Variants in ARHGAP32 observed in about 807,000 individuals in gnomAD.
ARHGAP32 encodes the protein Rho GTPase activating protein 32.
In ARHGAP32, 51 loss-of-function variants were observed where a neutral mutation model predicts 186.5. The ratio of observed to expected loss-of-function variants is 0.27; its 90% confidence interval spans 0.22 to 0.35. The LOEUF (loss-of-function observed/expected upper bound fraction) is 0.35, where lower values mean the gene tolerates loss of function less well. Ranked by LOEUF, ARHGAP32 falls within the 10% of genes least tolerant of loss-of-function variation. ARHGAP32 has a pLI of 1.00. For missense variants in ARHGAP32, 2,186 were observed against 2,623.5 expected, an observed-to-expected ratio of 0.83 and a Z score of 3.64; for synonymous variants, 950 against 964.3, an observed-to-expected ratio of 0.99 and a Z score of 0.27.
intron 1 of ARHGAP32, among the ~76,000 whole-genome samples, chr11:129,171,324 A>C (rs1353448453): frequency 6.6e-6 from 1 of 152,180 alleles, no homozygotes; most frequent in Non-Finnish European, 1.5e-5. Flanking sequence ...TAAGTCTTTA[A>C]TCCATCCTGA....
intron 10 of ARHGAP32, among the ~76,000 whole-genome samples, chr11:129,051,953 C>CAAAAAAAAAAA (rs36014500): frequency 2.8e-5 from 2 of 71,138 alleles, no homozygotes; most frequent in African/African-American, 5.8e-5. Flanking sequence ...GATTCTGTCT[C>CAAAAAAAAAAA]AAAAAAAAAA....
intron 11 of ARHGAP32, among the ~76,000 whole-genome samples, chr11:129,022,193 G>A (rs952659564): frequency 6.6e-6 from 1 of 152,042 alleles, no homozygotes; most frequent in Non-Finnish European, 1.5e-5. Flanking sequence ...ATTAGTTCTA[G>A]AAATTGGAAA....
chr11:129,014,318 G>A (rs1314493441), intron 11 of ARHGAP32, among the ~76,000 whole-genome samples: 1 of 152,126 alleles, frequency 6.6e-6, no homozygotes, highest in Non-Finnish European at 1.5e-5. Context: ...AAAACATGCA[G>A]TTCGTTAAGC....
intron 1 of ARHGAP32, among the ~76,000 whole-genome samples, chr11:129,274,225 T>C (rs1945505116): frequency 6.6e-6 from 1 of 152,180 alleles, no homozygotes; most frequent in Non-Finnish European, 1.5e-5. Context: ...ATCCTTACAC[T>C]TTACTACCTT....
chr11:129,260,331 A>G (rs1460888032), intron 1 of ARHGAP32, among the ~76,000 whole-genome samples: 1 of 152,172 alleles, frequency 6.6e-6, no homozygotes, highest in Non-Finnish European at 1.5e-5. Context: ...ACCTCTGATA[A>G]CATTGTTTTG....
At chr11:129,176,986 A>T (rs1488811156) in intron 1 of ARHGAP32, among the ~76,000 whole-genome samples, 2 of 151,008 alleles carry the variant, frequency 1.3e-5, no homozygotes, top group Admixed American at 6.6e-5. Context: ...CAAAAAATTA[A>T]TGAATCCAGG....
At chr11:129,107,519 T>C (rs1297276545) in intron 5 of ARHGAP32, among the ~76,000 whole-genome samples, 1 of 152,200 alleles carries the variant, frequency 6.6e-6, no homozygotes, top group Non-Finnish European at 1.5e-5. Flanking sequence ...ACATGATATA[T>C]AAAGATGTAA....
chr11:129,000,825 A>G (rs1946339367), intron 11 of ARHGAP32, among the ~76,000 whole-genome samples: 2 of 151,640 alleles, frequency 1.3e-5, no homozygotes, highest in South Asian at 4.2e-4. Context: ...CTCTGTCTCC[A>G]TGATTTCAAC....
At position 129,058,252 on chromosome 11, in the gene ARHGAP32, A is replaced by ATC. The variant is rs1491032071; in HGVS notation, c.963+4026_963+4027dup. ...TCTCTCTCTCTCTATATATATATAT[A>ATC]TCTCATATACAATCATATATATGTG... On this transcript the variant is annotated intron_variant, in intron 10 of 22. Coordinates refer to ENST00000682385, the MANE Select transcript of ARHGAP32 (RefSeq NM_001378024.1). Among the ~76,000 whole-genome samples the ATC allele has an allele frequency of 1.2e-4, 17 of 143,044 alleles. No individual in the cohort carries two copies. The East Asian group carries it at 3.1e-3, about 26-fold the overall frequency. The allele number at this position is 143,044 out of a possible 152,430, so 93.8% of individuals were successfully genotyped here.
chr11:129,105,877 T>A (rs1942034307), intron 5 of ARHGAP32, among the ~76,000 whole-genome samples: 1 of 151,922 alleles, frequency 6.6e-6, no homozygotes, highest in Admixed American at 6.6e-5. Flanking sequence ...AAAGAAACCA[T>A]GGACAAAGAA....
intron 5 of ARHGAP32, among the ~76,000 whole-genome samples, chr11:129,112,475 A>T (rs1446388328): frequency 1.3e-5 from 2 of 151,670 alleles, no homozygotes; most frequent in Non-Finnish European, 2.9e-5. Flanking sequence ...TTTTTTTTTA[A>T]ATTAGTTTTC....
At chr11:129,014,842 T>A (rs1229803273) in intron 11 of ARHGAP32, among the ~76,000 whole-genome samples, 2 of 152,226 alleles carry the variant, frequency 1.3e-5, no homozygotes, top group Non-Finnish European at 2.9e-5. Flanking sequence ...CTGGATTACA[T>A]AATGTTTAAG....
At chr11:129,001,539 A>G (rs573395999) in intron 11 of ARHGAP32, among the ~76,000 whole-genome samples, 2 of 152,222 alleles carry the variant, frequency 1.3e-5, no homozygotes, top group South Asian at 2.1e-4. Context: ...TAGTTTGCAA[A>G]TATTTTCTCC....
intron 1 of ARHGAP32, among the ~76,000 whole-genome samples, chr11:129,242,445 G>A (rs1185174028): frequency 6.6e-6 from 1 of 152,150 alleles, no homozygotes; most frequent in East Asian, 1.9e-4. Flanking sequence ...TAGGCCAGGT[G>A]CAGTGGCTCA....
In ARHGAP32 at chr11:129,163,860, C is replaced by G. The variant is rs77175473; in HGVS notation, c.225+459G>C. Among the ~76,000 whole-genome samples the G allele has an allele frequency of 3.3e-5, 5 of 152,258 alleles. No homozygotes were observed. In the East Asian group the frequency reaches 9.7e-4, roughly 29 times the overall value. ...CTGCACGATCTGCTTTCCACCCACC[C>G]AAACCACTTCTCTGACCTCATTTCT... is the stretch of plus-strand genomic sequence containing the variant. On this transcript the variant is annotated intron_variant, in intron 2 of 22. Coordinates refer to ENST00000682385, the MANE Select transcript of ARHGAP32 (RefSeq NM_001378024.1).
intron 1 of ARHGAP32, among the ~76,000 whole-genome samples, chr11:129,248,445 C>T (rs1453233172): frequency 6.6e-6 from 1 of 152,142 alleles, no homozygotes; most frequent in East Asian, 1.9e-4. Context: ...TAATCAAAAT[C>T]TAAGTGAAAA....
At chr11:129,238,891 G>A (rs61911042) in intron 1 of ARHGAP32, among the ~76,000 whole-genome samples, 22,922 of 151,986 alleles carry the variant, frequency 0.15, 1,809 homozygotes, top group Admixed American at 0.19. Flanking sequence ...CTGGGGTGCA[G>A]TGGTGTAATC....
chr11:128,980,124 G>C (rs1163074329), intron 18 of ARHGAP32, among the ~76,000 whole-genome samples: 2 of 152,202 alleles, frequency 1.3e-5, no homozygotes, highest in African/African-American at 4.8e-5. Context: ...TGTTGGCTGG[G>C]AGACCACACT....
chr11:129,171,799 T>C (rs1310954022), intron 1 of ARHGAP32, among the ~76,000 whole-genome samples: 1 of 152,246 alleles, frequency 6.6e-6, no homozygotes, highest in African/African-American at 2.4e-5. Flanking sequence ...TTCCCAACCA[T>C]GAAGAAGGAA....
Sources: allele counts gnomAD v4.1 joint callset (sites outside exome capture counted in the v4.1 genomes callset), GRCh38; gene constraint gnomAD v4.1.1; transcripts MANE v1.5; gene names NCBI Gene and HGNC (gene_info 2026-07-23, HGNC 2026-07-21).